Variants in ADAMTSL1 observed in about 807,000 individuals in gnomAD.
ADAMTSL1 encodes the protein ADAMTS-like protein 1.
Under a neutral mutation model 201.8 loss-of-function variants are expected in ADAMTSL1, and 126 were observed. The ratio of observed to expected loss-of-function variants is 0.62; its 90% CI spans 0.54 to 0.72. The LOEUF is 0.72. Among genes scored for constraint, ADAMTSL1 ranks in the 30% least tolerant of loss-of-function variants. The pLI, the probability that ADAMTSL1 is intolerant of heterozygous loss-of-function variation, is 0.00. For missense variants in ADAMTSL1, 2,679 were observed against 2,277.8 expected (o/e 1.18, Z -3.59); for synonymous variants, 1,121 against 903.4 (o/e 1.24, Z -4.32).
intron 1 of ADAMTSL1, among the ~76,000 whole-genome samples, chr9:18,047,429 T>C (rs759707391): frequency 3.9e-5 from 6 of 152,114 alleles, no homozygotes; most frequent in Non-Finnish European, 7.4e-5. Flanking sequence ...CAAGCCTCTA[T>C]AACAAAAAAG....
intron 2 of ADAMTSL1, among the ~76,000 whole-genome samples, chr9:18,392,641 T>G (rs147766155): frequency 5.2e-4 from 79 of 152,348 alleles, no homozygotes; most frequent in African/African-American, 1.9e-3. Context: ...AAAGTAACCT[T>G]ACACAACATA....
chr9:18,312,477 C>A (rs775834049), intron 2 of ADAMTSL1, among the ~76,000 whole-genome samples: 7 of 152,170 alleles, frequency 4.6e-5, no homozygotes, highest in Non-Finnish European at 1.0e-4. Flanking sequence ...TGGCCTTATG[C>A]ACTGGCCTTG....
chr9:17,981,907 A>T (rs1239481145), intron 1 of ADAMTSL1, among the ~76,000 whole-genome samples: 1 of 151,858 alleles, frequency 6.6e-6, no homozygotes, highest in African/African-American at 2.4e-5. Context: ...AGAGTATAAG[A>T]CTCCCCACCA....
At chr9:18,513,311 C>G (rs1020103386) in intron 2 of ADAMTSL1, among the ~76,000 whole-genome samples, 2 of 152,168 alleles carry the variant, frequency 1.3e-5, no homozygotes, top group Non-Finnish European at 2.9e-5. Flanking sequence ...CTATTTCTCC[C>G]TCCGCCGCAA....
At chr9:18,441,442 G>C (rs1320980817) in intron 2 of ADAMTSL1, among the ~76,000 whole-genome samples, 1 of 152,162 alleles carries the variant, frequency 6.6e-6, no homozygotes, top group Non-Finnish European at 1.5e-5. Flanking sequence ...TTAGTCACAA[G>C]GCTGCTATAC....
chr9:18,672,042 A>T (rs1173863442), intron 9 of ADAMTSL1, among the ~76,000 whole-genome samples: 1 of 152,086 alleles, frequency 6.6e-6, no homozygotes, highest in Admixed American at 6.5e-5. Context: ...ATCTCAAAAA[A>T]ATTAAATTTA....
chr9:18,420,394 A>T (rs1159922295), intron 2 of ADAMTSL1, among the ~76,000 whole-genome samples: 2 of 152,150 alleles, frequency 1.3e-5, no homozygotes, highest in African/African-American at 4.8e-5. Context: ...CTGGCATGGA[A>T]TTCTTTATAT....
intron 2 of ADAMTSL1, among the ~76,000 whole-genome samples, chr9:18,248,331 G>T (rs537149171): frequency 6.6e-6 from 1 of 152,244 alleles, no homozygotes; most frequent in African/African-American, 2.4e-5. Context: ...CTGGACTGTG[G>T]ATTACGCGGT....
intron 4 of ADAMTSL1, among the ~76,000 whole-genome samples, chr9:18,598,458 A>G (rs1293370777): frequency 6.6e-6 from 1 of 152,054 alleles, no homozygotes; most frequent in African/African-American, 2.4e-5. Context: ...TGGATTATTT[A>G]TTCATTTTTG....
intron 1 of ADAMTSL1, among the ~76,000 whole-genome samples, chr9:17,907,073 C>T (rs755051623): frequency 2.6e-5 from 4 of 152,204 alleles, no homozygotes; most frequent in Non-Finnish European, 5.9e-5. Context: ...ACAAGTGGCG[C>T]GGGGTTGGGG....
At chr9:18,228,235 T>A (rs1314077982) in intron 2 of ADAMTSL1, among the ~76,000 whole-genome samples, 3 of 152,154 alleles carry the variant, frequency 2.0e-5, no homozygotes, top group South Asian at 2.1e-4. Context: ...TAAGGCTTGA[T>A]GATAGTTCCT....
chr9:18,499,257 A>C (rs1822705223), intron 1 of ADAMTSL1, among the ~76,000 whole-genome samples: 1 of 152,242 alleles, frequency 6.6e-6, no homozygotes, highest in African/African-American at 2.4e-5. Flanking sequence ...CGCATGCCTC[A>C]GTATCCACAC....
intron 1 of ADAMTSL1, among the ~76,000 whole-genome samples, chr9:18,061,616 G>A (rs1822458587): frequency 6.6e-6 from 1 of 152,176 alleles, no homozygotes; most frequent in Admixed American, 6.5e-5. Flanking sequence ...TGAACAAAGA[G>A]CAAGTTAGAT....
chr9:18,734,169 G>A (rs925716225), intron 15 of ADAMTSL1, among the ~76,000 whole-genome samples: 4 of 152,180 alleles, frequency 2.6e-5, no homozygotes, highest in Admixed American at 2.0e-4. Context: ...AGTGTGTTAA[G>A]CGCTTAGCAC....
chr9:18,146,566 G>A (rs540274406), intron 1 of ADAMTSL1, among the ~76,000 whole-genome samples: 1 of 152,254 alleles, frequency 6.6e-6, no homozygotes, highest in East Asian at 1.9e-4. Flanking sequence ...AGGGAACAGG[G>A]TTGAATAGGT....
chr9:18,672,357 A>G (rs1390059162), intron 9 of ADAMTSL1, among the ~76,000 whole-genome samples: 3 of 152,170 alleles, frequency 2.0e-5, no homozygotes, highest in African/African-American at 7.2e-5. Flanking sequence ...GAATTTTTTC[A>G]TACTTGAATA....
At chr9:18,449,650 C>T (rs1253746399) in intron 2 of ADAMTSL1, among the ~76,000 whole-genome samples, 1 of 152,052 alleles carries the variant, frequency 6.6e-6, no homozygotes, top group Non-Finnish European at 1.5e-5. Flanking sequence ...GGACTTGTGT[C>T]TAGAATATGT....
chr9:18,560,095 A>G (rs1033109905), intron 3 of ADAMTSL1, among the ~76,000 whole-genome samples: 1 of 152,178 alleles, frequency 6.6e-6, no homozygotes, highest in African/African-American at 2.4e-5. Context: ...CCAGTTTTCA[A>G]AGGGAATGCT....
intron 23 of ADAMTSL1, among the ~76,000 whole-genome samples, chr9:18,875,446 CTG>C (rs1175212828): frequency 6.6e-6 from 1 of 152,060 alleles, no homozygotes; most frequent in African/African-American, 2.4e-5. Flanking sequence ...TTTTGAAAGA[CTG>C]TGTCACTATT....
Sources: allele counts gnomAD v4.1 joint callset (sites outside exome capture counted in the v4.1 genomes callset), GRCh38; gene constraint gnomAD v4.1.1; transcripts MANE v1.5; gene names NCBI Gene and HGNC (gene_info 2026-07-23, HGNC 2026-07-21).